MDGA2: variants seen among roughly 807,000 people sequenced by gnomAD.
The protein encoded by MDGA2 is MAM domain-containing glycosylphosphatidylinositol anchor protein 2.
A neutral mutation model predicts 117.8 loss-of-function variants in MDGA2; 40 were observed. The ratio of observed to expected loss-of-function variants is 0.34; its 90% CI spans 0.26 to 0.44. MDGA2 has a LOEUF of 0.44. MDGA2 is among the 20% of genes least tolerant of loss of function. The probability of loss-of-function intolerance (pLI) is 1.00; values close to 1 mark genes in which losing one functional copy is unlikely to be tolerated. For synonymous variants in MDGA2, 452 were observed against 439.0 expected (o/e 1.03, Z -0.37); for missense variants, 1,123 against 1,250.6 (o/e 0.90, Z 1.54).
intron 8 of MDGA2, among the ~76,000 whole-genome samples, chr14:47,016,731 TAAAGC>T (rs997807036): frequency 6.6e-6 from 1 of 152,040 alleles, no homozygotes. Flanking sequence ...GAGTATGTTT[TAAAGC>T]AAAGTTTATT....
rs138405665 is a variant in MDGA2, at chr14:47,176,272, C to A, written c.596-31998G>T. On this transcript the variant is annotated intron_variant, in intron 3 of 16. Coordinates refer to ENST00000399232, the MANE Select transcript of MDGA2 (RefSeq NM_001113498.3). ...TGCCATCCCCATCAAGCTACCAATGCCTTTCTTCACAGAAATGAAAAAAAC... is the reference window on the plus strand; with the variant it reads ...TGCCATCCCCATCAAGCTACCAATGACTTTCTTCACAGAAATGAAAAAAAC... 3.2e-3 allele frequency among the ~76,000 whole-genome samples: 493 copies of A among 152,154 alleles called. 2 individuals carry two copies. Among genetic ancestry groups the A allele is most frequent in the African/African-American group, 0.011 (467 of 41,522 alleles).
chr14:47,061,178 C>A, intron 7 of MDGA2, 71 bp downstream of exon 7: 6 of 1,371,944 alleles, frequency 4.4e-6, no homozygotes, highest in South Asian at 2.9e-5. Flanking sequence ...TAACTAAAAC[C>A]TACTTGATCT....
intron 2 of MDGA2, among the ~76,000 whole-genome samples, chr14:47,279,558 C>A (rs1024212420): frequency 2.6e-5 from 4 of 151,998 alleles, no homozygotes. Context: ...ACATATTTTG[C>A]ATTATTATTA....
intron 3 of MDGA2, among the ~76,000 whole-genome samples, chr14:47,217,472 G>C (rs961594807): frequency 1.4e-4 from 21 of 151,894 alleles, no homozygotes; most frequent in African/African-American, 5.1e-4. Context: ...CACTTTTCAG[G>C]TGGCACAGCA....
chr14:47,597,723 G>A (rs774384086), intron 1 of MDGA2, among the ~76,000 whole-genome samples: 2 of 151,818 alleles, frequency 1.3e-5, no homozygotes, highest in Non-Finnish European at 2.9e-5. Flanking sequence ...ATCTTTGGTT[G>A]GGTTTAGTAG....
intron 2 of MDGA2, among the ~76,000 whole-genome samples, chr14:47,259,785 G>C (rs1426055019): frequency 6.6e-6 from 1 of 152,084 alleles, no homozygotes; most frequent in Non-Finnish European, 1.5e-5. Context: ...TATGGAATCT[G>C]AGAGAGTAGA....
chr14:47,182,480 G>C (rs1391930972), intron 3 of MDGA2, among the ~76,000 whole-genome samples: 3 of 152,066 alleles, frequency 2.0e-5, no homozygotes, highest in African/African-American at 7.2e-5. Flanking sequence ...GCACACAGTG[G>C]AAAGGCCAGC....
At chr14:46,929,974 T>C (rs1314338952) in intron 9 of MDGA2, among the ~76,000 whole-genome samples, 1 of 151,650 alleles carries the variant, frequency 6.6e-6, no homozygotes, top group Non-Finnish European at 1.5e-5. Context: ...AATGCAAAAG[T>C]TACCTAATCA....
At chr14:47,601,482 C>T (rs972585899) in intron 1 of MDGA2, among the ~76,000 whole-genome samples, 11 of 152,032 alleles carry the variant, frequency 7.2e-5, no homozygotes, top group African/African-American at 2.2e-4. Context: ...TAAGGTATGA[C>T]CCTTAAACTA....
At chr14:47,144,773 T>C (rs145111017) in intron 3 of MDGA2, among the ~76,000 whole-genome samples, 4,120 of 150,736 alleles carry the variant, frequency 0.027, 171 homozygotes, top group African/African-American at 0.096. Flanking sequence ...CTCAGTCTCC[T>C]GAGTAGCTGA....
At chr14:47,658,740 C>T (rs1897790709) in intron 1 of MDGA2, among the ~76,000 whole-genome samples, 1 of 152,180 alleles carries the variant, frequency 6.6e-6, no homozygotes, top group Non-Finnish European at 1.5e-5. Context: ...CCAGAATTTG[C>T]CTTCCAGTAA....
intron 1 of MDGA2, among the ~76,000 whole-genome samples, chr14:47,548,702 G>A (rs1895514157): frequency 6.6e-6 from 1 of 152,126 alleles, no homozygotes; most frequent in Admixed American, 6.6e-5. Flanking sequence ...AGTCAAGGGT[G>A]AGAAATTAAG....
intron 3 of MDGA2, among the ~76,000 whole-genome samples, chr14:47,146,689 G>A (rs1056735954): frequency 1.2e-4 from 18 of 152,178 alleles, no homozygotes; most frequent in African/African-American, 4.1e-4. Context: ...TAGAAGTTAT[G>A]AGCTGTATGT....
chr14:47,504,947 C>G (rs1426845873), intron 1 of MDGA2, among the ~76,000 whole-genome samples: 1 of 152,116 alleles, frequency 6.6e-6, no homozygotes, highest in African/African-American at 2.4e-5. Flanking sequence ...ATCAACCTAG[C>G]TGTCCACCAA....
At chr14:46,927,775 C>T (rs1231215076) in intron 9 of MDGA2, among the ~76,000 whole-genome samples, 1 of 152,104 alleles carries the variant, frequency 6.6e-6, no homozygotes, top group Non-Finnish European at 1.5e-5. Context: ...GTCATTATCA[C>T]AACATTATTT....
chr14:47,199,428 C>G (rs968617773), intron 3 of MDGA2, among the ~76,000 whole-genome samples: 5 of 152,120 alleles, frequency 3.3e-5, no homozygotes, highest in African/African-American at 1.2e-4. Context: ...AAAATATTCA[C>G]TTTCTACTAA....
intron 1 of MDGA2, among the ~76,000 whole-genome samples, chr14:47,468,305 T>C (rs1257177749): frequency 6.6e-6 from 1 of 152,160 alleles, no homozygotes; most frequent in Admixed American, 6.6e-5. Flanking sequence ...TTCTTCTTTA[T>C]GGGAGTTAAA....
chr14:47,525,546 G>A (rs1055926063), intron 1 of MDGA2, among the ~76,000 whole-genome samples: 14 of 152,010 alleles, frequency 9.2e-5, no homozygotes, highest in African/African-American at 3.1e-4. Flanking sequence ...TTATCCGGGC[G>A]TGGTGGCACA....
At chr14:47,435,194 G>A (rs1431447640) in intron 1 of MDGA2, among the ~76,000 whole-genome samples, 2 of 151,980 alleles carry the variant, frequency 1.3e-5, no homozygotes, top group Non-Finnish European at 2.9e-5. Flanking sequence ...CTTTATGTAG[G>A]CAAATACAGT....
Sources: gnomAD v4.1 joint callset for allele counts (sites outside exome capture counted in the v4.1 genomes callset) on GRCh38, gnomAD v4.1.1 for gene constraint, MANE v1.5 for transcripts, NCBI Gene and HGNC (gene_info 2026-07-23, HGNC 2026-07-21) for gene names.